ADAMTSL1: variants seen among roughly 807,000 people sequenced by gnomAD.
The protein encoded by ADAMTSL1 is ADAMTS-like protein 1.
ADAMTSL1 carries 126 observed loss-of-function variants against 201.8 expected under a neutral mutation model. The observed-to-expected ratio is 0.62, with a 90% confidence interval of 0.54 to 0.72. The LOEUF (loss-of-function observed/expected upper bound fraction) is 0.72. Ranked by LOEUF, ADAMTSL1 falls within the 30% of genes least tolerant of loss-of-function variation. The pLI is 0.00. For synonymous variants in ADAMTSL1, 1,121 were observed against 903.4 expected (o/e 1.24, Z -4.32); for missense variants, 2,679 against 2,277.8 (o/e 1.18, Z -3.59).
chr9:18,239,528 C>T (rs1563828684), intron 2 of ADAMTSL1, among the ~76,000 whole-genome samples: 2 of 152,086 alleles, frequency 1.3e-5, no homozygotes, highest in East Asian at 1.9e-4. Flanking sequence ...CACTTGAGGC[C>T]AGGAGTTTGA....
intron 1 of ADAMTSL1, among the ~76,000 whole-genome samples, chr9:18,072,253 C>G (rs1438332832): frequency 7.2e-5 from 11 of 152,154 alleles, no homozygotes; most frequent in African/African-American, 2.7e-4. Flanking sequence ...TTTTAGGCTT[C>G]TTACCACTGT....
intron 2 of ADAMTSL1, among the ~76,000 whole-genome samples, chr9:18,321,653 C>T (rs554734045): frequency 3.1e-4 from 47 of 152,066 alleles, no homozygotes; most frequent in Middle Eastern, 3.4e-3. Context: ...ATTAGCCGGG[C>T]GTGGCAACAG....
At chr9:18,678,941 G>C (rs924218294) in intron 10 of ADAMTSL1, among the ~76,000 whole-genome samples, 2 of 152,142 alleles carry the variant, frequency 1.3e-5, no homozygotes, top group African/African-American at 4.8e-5. Flanking sequence ...GCCAAACAGA[G>C]GGCCTCAGTT....
intron 2 of ADAMTSL1, among the ~76,000 whole-genome samples, chr9:18,205,768 G>T (rs544804800): frequency 2.8e-4 from 43 of 151,988 alleles, no homozygotes; most frequent in Non-Finnish European, 5.4e-4. Context: ...TAAAAGCCAC[G>T]TACGGCCAGG....
intron 2 of ADAMTSL1, among the ~76,000 whole-genome samples, chr9:18,232,117 G>A (rs1830664972): frequency 6.6e-6 from 1 of 152,108 alleles, no homozygotes. Flanking sequence ...GGCCCTAGAG[G>A]AGCCCATCTC....
At chr9:17,911,828 C>T (rs1588401172) in intron 1 of ADAMTSL1, among the ~76,000 whole-genome samples, 1 of 43,242 alleles carries the variant, frequency 2.3e-5, no homozygotes, top group African/African-American at 4.2e-5. Context: ...AATGCTATCC[C>T]TTCCCCCTCC....
At chr9:18,618,032 T>C (rs1273481071) in intron 4 of ADAMTSL1, among the ~76,000 whole-genome samples, 1 of 152,190 alleles carries the variant, frequency 6.6e-6, no homozygotes, top group Non-Finnish European at 1.5e-5. Context: ...ATGGGGTGGG[T>C]CTGGGAACTC....
intron 2 of ADAMTSL1, among the ~76,000 whole-genome samples, chr9:18,331,042 G>A (rs1046864074): frequency 1.7e-4 from 26 of 152,164 alleles, no homozygotes; most frequent in African/African-American, 5.8e-4. Flanking sequence ...CATATTTCAC[G>A]TGTAGGTTTT....
intron 2 of ADAMTSL1, among the ~76,000 whole-genome samples, chr9:18,383,597 G>T (rs1837654249): frequency 6.6e-6 from 1 of 152,130 alleles, no homozygotes; most frequent in South Asian, 2.1e-4. Context: ...AATAACAGAT[G>T]TGAGGCTTCT....
chr9:18,336,449 G>C (rs1019375586), intron 2 of ADAMTSL1, among the ~76,000 whole-genome samples: 2 of 151,930 alleles, frequency 1.3e-5, no homozygotes, highest in Non-Finnish European at 2.9e-5. Flanking sequence ...GATTATTTCA[G>C]TTTTTCAAAA....
chr9:18,020,674 A>G (rs1409023662), intron 1 of ADAMTSL1, among the ~76,000 whole-genome samples: 2 of 152,018 alleles, frequency 1.3e-5, no homozygotes, highest in African/African-American at 2.4e-5. Flanking sequence ...GGGGATTACA[A>G]TTCAAGATGA....
At chr9:18,495,973 T>C (rs1822515333) in intron 1 of ADAMTSL1, among the ~76,000 whole-genome samples, 2 of 152,230 alleles carry the variant, frequency 1.3e-5, no homozygotes, top group Non-Finnish European at 2.9e-5. Context: ...CATTTCATCA[T>C]TGATTAAATA....
At chr9:18,835,037 C>G (rs1429698226) in intron 23 of ADAMTSL1, among the ~76,000 whole-genome samples, 1 of 152,126 alleles carries the variant, frequency 6.6e-6, no homozygotes, top group African/African-American at 2.4e-5. Flanking sequence ...TTTTAAGAAA[C>G]AGCCAAACTG....
chr9:18,313,522 A>G (rs1340599751), intron 2 of ADAMTSL1, among the ~76,000 whole-genome samples: 1 of 152,200 alleles, frequency 6.6e-6, no homozygotes, highest in Admixed American at 6.5e-5. Flanking sequence ...CAGTTGGTCA[A>G]ATGAAGCCTG....
chr9:18,096,296 C>T (rs888959068), intron 1 of ADAMTSL1, among the ~76,000 whole-genome samples: 9 of 152,104 alleles, frequency 5.9e-5, no homozygotes, highest in African/African-American at 1.9e-4. Flanking sequence ...TAGTAATTAC[C>T]GTATTCCCTT....
intron 1 of ADAMTSL1, among the ~76,000 whole-genome samples, chr9:18,113,329 AC>A (rs1825111441): frequency 6.6e-6 from 1 of 152,254 alleles, no homozygotes; most frequent in East Asian, 1.9e-4. Flanking sequence ...GTTACATCTA[AC>A]AAAACTCCAA....
chr9:18,432,594 T>C (rs10756962), intron 2 of ADAMTSL1, among the ~76,000 whole-genome samples: 79,471 of 151,868 alleles, frequency 0.52, 21,611 homozygotes, highest in East Asian at 0.9. Flanking sequence ...AATAAAGTAG[T>C]CATATAGTAG....
At chr9:18,615,593 G>C (rs568639835) in intron 4 of ADAMTSL1, among the ~76,000 whole-genome samples, 188 of 152,274 alleles carry the variant, frequency 1.2e-3, no homozygotes, top group Non-Finnish European at 2.0e-3. Flanking sequence ...TGGAATTTTG[G>C]TTATGTTATT....
intron 15 of ADAMTSL1, among the ~76,000 whole-genome samples, chr9:18,734,885 TA>T (rs1818417275): frequency 6.6e-6 from 1 of 152,224 alleles, no homozygotes; most frequent in Non-Finnish European, 1.5e-5. Flanking sequence ...GTCTTCCAGG[TA>T]AGCCTAAAAT....
Sources: allele counts gnomAD v4.1 joint callset (sites outside exome capture counted in the v4.1 genomes callset), GRCh38; gene constraint gnomAD v4.1.1; transcripts MANE v1.5; gene names NCBI Gene and HGNC (gene_info 2026-07-23, HGNC 2026-07-21).